Variants in RAB19 observed in about 807,000 individuals in gnomAD.
RAB19 encodes the protein RAB19, member RAS oncogene family, also known as ras-related protein Rab-19.
Under a neutral mutation model 17.3 loss-of-function variants are expected in RAB19, and 21 were observed. That is an observed-to-expected ratio of 1.21 (90% CI 0.86 to 1.74). RAB19 has a LOEUF of 1.74. RAB19 is among the 40% of genes most tolerant of loss of function. The probability of loss-of-function intolerance (pLI) is 0.00; values close to 1 mark genes in which losing one functional copy is unlikely to be tolerated. For missense variants in RAB19, 277 were observed against 286.8 expected (o/e 0.97, Z 0.25); for synonymous variants, 126 against 110.4 (o/e 1.14, Z -0.88).
At chr7:140,423,177 C>T (rs1233898724) in intron 3 of RAB19, among the ~76,000 whole-genome samples, 7 of 152,052 alleles carry the variant, frequency 4.6e-5, no homozygotes, top group African/African-American at 1.2e-4. Flanking sequence ...TGGTGGCTCA[C>T]GCCTGTAATC....
At position 140,424,783 on chromosome 7, in the gene RAB19, GA is replaced by G. The variant is rs199960972; in HGVS notation, c.386-1092del. The stretch of plus-strand genomic sequence containing the variant: ...TTTTATGGAAGAAGGGGGAATTATG[GA>G]AAAAAATATCTACAGAGGCTCTTGT... On this transcript the variant is annotated intron_variant, in intron 3 of 3. Coordinates refer to ENST00000537763, the MANE Select transcript of RAB19 (RefSeq NM_001008749.3). Among the ~76,000 whole-genome samples, 1,192 of 151,392 alleles carry G rather than the reference GA, an allele frequency of 7.9e-3. 19 individuals are homozygous for G. The highest frequency in any genetic ancestry group is 0.028 in the African/African-American group (1,141 of 41,270).
intron 2 of RAB19, 25 bp from the exon 3 acceptor site, chr7:140,411,849 G>T (rs759305424): frequency 6.2e-7 from 1 of 1,613,906 alleles, no homozygotes; most frequent in Non-Finnish European, 8.5e-7. Flanking sequence ...CCCTGATTTG[G>T]ACTCTCCTTC....
intron 1 of RAB19, among the ~76,000 whole-genome samples, chr7:140,404,675 G>C (rs1029461998): frequency 1.3e-5 from 2 of 152,180 alleles, no homozygotes; most frequent in African/African-American, 4.8e-5. Context: ...AAACGGAGAG[G>C]TGAAGAAGGA....
chr7:140,410,573 G>A (rs183501200), intron 2 of RAB19, among the ~76,000 whole-genome samples: 6,058 of 151,814 alleles, frequency 0.04, 118 homozygotes, highest in Non-Finnish European at 0.044. Flanking sequence ...TGATCCACCC[G>A]CCTCGGCCTC....
rs34940659 is a variant in RAB19 at position 140,427,141 on chromosome 7, CTTTTTTTT to C, written c.*1005_*1012del. 1.1e-5 allele frequency among the ~76,000 whole-genome samples: 1 copy of C among 94,436 alleles called. No homozygotes were observed. Among genetic ancestry groups the C allele is most frequent in the Non-Finnish European group, 2.0e-5 (1 of 49,944 alleles). 62.0% of individuals were successfully genotyped at this position (94,436 alleles called of 152,430 possible). ...ACAGGCATGAGCCACCATGCCTGTT[CTTTTTTTT>C]TTTTTTTTTTTTTGAGACTGAGTCT... On this transcript the variant is annotated 3_prime_UTR_variant, in exon 4 of 4. Transcript: ENST00000537763.
intron 3 of RAB19, among the ~76,000 whole-genome samples, chr7:140,414,818 G>A (rs980898304): frequency 9.9e-5 from 15 of 152,104 alleles, no homozygotes; most frequent in African/African-American, 2.9e-4. Context: ...GAATGACCCC[G>A]GTGTCAGGGG....
intron 3 of RAB19, among the ~76,000 whole-genome samples, chr7:140,421,564 T>C (rs1437487686): frequency 1.3e-5 from 2 of 152,146 alleles, no homozygotes; most frequent in African/African-American, 4.8e-5. Context: ...TTCACTATGT[T>C]GGCCAAGCTG....
chr7:140,425,886 T>C lies in RAB19; in HGVS notation c.390T>C (p.Asn130=). The part of the protein sequence containing the change: ...AANVVIMLIG[N]KCDLWEKRHV... ...CGGCTTATCTTTTCCTTCCAGGAAA[T>C]AAATGTGACCTCTGGGAAAAGCGGC... The change falls in exon 4 of 4, where the codon AAT becomes AAC. Residue 130 remains asparagine (N), a synonymous_variant. Coordinates refer to ENST00000537763, the MANE Select transcript of RAB19 (RefSeq NM_001008749.3). 1.9e-6 allele frequency: 3 copies of C among 1,603,890 alleles called. No individual in the cohort carries two copies. Among genetic ancestry groups the C allele is most frequent in the Non-Finnish European group, 2.6e-6 (3 of 1,173,936 alleles).
In RAB19 at chr7:140,411,908, T is replaced by C. The variant is rs142256906; in HGVS notation, c.236T>C (p.Phe79Ser). Reference sequence around the variant, plus strand: ...TGGGACACAGCTGGCCAGGAGCGCTTCCGCACCATCACCCAAAGCTACTAC... The same window carrying C: ...TGGGACACAGCTGGCCAGGAGCGCTCCCGCACCATCACCCAAAGCTACTAC... ...QVWDTAGQER[F>S]RTITQSYYRS... Residue 79 changes from phenylalanine (F) to serine (S), a missense_variant, in exon 3 of 4, where the codon TTC (phenylalanine) becomes TCC (serine). Phe to Ser is a radical substitution (Grantham distance 155, BLOSUM62 -2). Transcript: ENST00000537763. 1.7e-5 allele frequency: 27 copies of C among 1,614,050 alleles called. No individual in the cohort carries two copies. The highest frequency in any genetic ancestry group is 2.5e-6 in the Non-Finnish European group (3 of 1,180,042).
rs1466919653 is a variant in RAB19 at position 140,407,879 on chromosome 7, CCTTT to C, written c.201+33_201+36del. 5,034 of 845,668 alleles carry C rather than the reference CCTTT, an allele frequency of 6.0e-3. 45 individuals are homozygous for C. The highest frequency in any genetic ancestry group is 0.011 in the Middle Eastern group (32 of 2,964). 52.4% of individuals were successfully genotyped at this position (845,668 alleles called of 1,614,324 possible). On this transcript the variant is annotated intron_variant, in intron 2 of 3. Coordinates refer to ENST00000537763, the MANE Select transcript of RAB19 (RefSeq NM_001008749.3). ...GGGCACCGGGACGGGACTGGTTCCA[CCTTT>C]TTTTTTTTTTTTTTTTTTTTTTTCC... is the stretch of plus-strand genomic sequence containing the variant.
intron 3 of RAB19, among the ~76,000 whole-genome samples, chr7:140,417,893 C>T (rs1799488705): frequency 1.3e-5 from 2 of 152,164 alleles, no homozygotes; most frequent in Admixed American, 1.3e-4. Flanking sequence ...TGATTGCATT[C>T]AGGGCCTGCC....
chr7:140,409,217 A>G (rs1295694665), intron 2 of RAB19, among the ~76,000 whole-genome samples: 1 of 151,120 alleles, frequency 6.6e-6, no homozygotes. Flanking sequence ...TACAAAAATT[A>G]TCCAGGCATG....
In RAB19 at chr7:140,426,203, G is replaced by A; in HGVS notation, c.*53G>A. 5 of 1,582,012 alleles carry A rather than the reference G, an allele frequency of 3.2e-6. No individual in the cohort carries two copies. The highest frequency in any genetic ancestry group is 4.3e-6 in the Non-Finnish European group (5 of 1,164,556). Reference sequence around the variant, plus strand: ...CAAAGAGGCCGCCTCTGAAACCAAAGGTAGCCAGGATACCGTAGTGTTGCC... The same window carrying A: ...CAAAGAGGCCGCCTCTGAAACCAAAAGTAGCCAGGATACCGTAGTGTTGCC... On this transcript the variant is annotated 3_prime_UTR_variant, in exon 4 of 4. Coordinates refer to ENST00000537763, the MANE Select transcript of RAB19 (RefSeq NM_001008749.3).
Position 140,411,854 on chromosome 7 carries a change from T to G in RAB19, c.202-20T>G. On this transcript the variant is annotated intron_variant, in intron 2 of 3. Transcript: ENST00000537763. ...CTGTGGGAACCCCTGATTTGGACTC[T>G]CCTTCCTGTCCTTCTCCAGATGCAG... 1 of 1,614,064 alleles carries G rather than the reference T, an allele frequency of 6.2e-7. No individual in the cohort carries two copies. The highest frequency in any genetic ancestry group is 8.5e-7 in the Non-Finnish European group (1 of 1,179,956).
rs1273035155 is a variant in RAB19 at position 140,427,138 on chromosome 7, GTTCT to G, written c.*991_*994del. Among the ~76,000 whole-genome samples the G allele has an allele frequency of 8.4e-6, 1 of 119,326 alleles. No homozygotes were observed. The highest frequency in any genetic ancestry group is 1.7e-5 in the Non-Finnish European group (1 of 59,578). 78.3% of individuals were successfully genotyped at this position (119,326 alleles called of 152,430 possible). On this transcript the variant is annotated 3_prime_UTR_variant, in exon 4 of 4. Coordinates refer to ENST00000537763, the MANE Select transcript of RAB19 (RefSeq NM_001008749.3). ...ATTACAGGCATGAGCCACCATGCCTGTTCTTTTTTTTTTTTTTTTTTTTTGAGAC... is the reference window on the plus strand; with the variant it reads ...ATTACAGGCATGAGCCACCATGCCTGTTTTTTTTTTTTTTTTTTTTGAGAC...
At chr7:140,424,639 A>ATGTGTGTGTG (rs1554442795) in intron 3 of RAB19, among the ~76,000 whole-genome samples, 1,597 of 138,164 alleles carry the variant, frequency 0.012, 43 homozygotes, top group African/African-American at 0.041. Flanking sequence ...ATATATATAT[A>ATGTGTGTGTG]TGTGTGTGTG....
Position 140,421,042 on chromosome 7 carries a change from A to G in RAB19, c.386-4840A>G, listed in dbSNP as rs139013584. ...TGAGTAGCTGGGATTATAGGCGCCC[A>G]CCACCACACCCAGCTAATTTTCGTA... On this transcript the variant is annotated intron_variant, in intron 3 of 3. Coordinates refer to ENST00000537763, the MANE Select transcript of RAB19 (RefSeq NM_001008749.3). Among the ~76,000 whole-genome samples the G allele has an allele frequency of 9.6e-3, 1,453 of 151,356 alleles. 15 individuals carry two copies. The highest frequency in any genetic ancestry group is 0.016 in the Non-Finnish European group (1,061 of 67,816).
intron 3 of RAB19, among the ~76,000 whole-genome samples, chr7:140,422,933 C>T (rs1799588412): frequency 6.6e-6 from 1 of 152,060 alleles, no homozygotes; most frequent in Non-Finnish European, 1.5e-5. Context: ...CATGGTGAAA[C>T]TCTGTCTCTA....
rs752122132 is a variant in RAB19 at position 140,407,709 on chromosome 7, C to A, written c.63C>A (p.Ile21=). 10 of 1,613,970 alleles carry A rather than the reference C, an allele frequency of 6.2e-6. No individual in the cohort carries two copies. The East Asian group carries it at 2.0e-4, about 32-fold the overall frequency. The part of the protein sequence containing the change: ...DENFDYLFKI[I]LIGDSNVGKT... ...ACTTTGACTATTTGTTCAAGATTAT[C>A]CTCATTGGGGATTCCAATGTGGGGA... Residue 21 remains isoleucine, a synonymous_variant, in exon 2 of 4, where the codon ATC becomes ATA. Coordinates refer to ENST00000537763, the MANE Select transcript of RAB19 (RefSeq NM_001008749.3).
Sources: gnomAD v4.1 joint callset for allele counts (sites outside exome capture counted in the v4.1 genomes callset) on GRCh38, gnomAD v4.1.1 for gene constraint, MANE v1.5 for transcripts, NCBI Gene and HGNC (gene_info 2026-07-23, HGNC 2026-07-21) for gene names.